CPM: variants seen among roughly 807,000 people sequenced by gnomAD.
The protein encoded by CPM is carboxypeptidase M, also known as renal carboxypeptidase.
A neutral mutation model predicts 46.4 loss-of-function variants in CPM; 35 were observed. The observed-to-expected ratio is 0.75, with a 90% CI of 0.58 to 1.00. The LOEUF (loss-of-function observed/expected upper bound fraction) is 1.00, where lower values mean the gene tolerates loss of function less well. CPM is among the 50% of genes least tolerant of loss of function. The pLI is 0.00. For synonymous variants in CPM, 195 were observed against 195.3 expected (o/e 1.00, Z 0.01); for missense variants, 422 against 530.4 (o/e 0.80, Z 2.01).
chr12:68,856,868 G>A (rs560135284), intron 8 of CPM, among the ~76,000 whole-genome samples, 189 bp from the exon 9 acceptor site: 2 of 152,340 alleles, frequency 1.3e-5, no homozygotes, highest in East Asian at 3.9e-4. Context: ...ACAGAGACCA[G>A]CGTTGTGAAT....
At chr12:68,888,190 T>C (rs1221973234) in intron 2 of CPM, among the ~76,000 whole-genome samples, 1 of 152,240 alleles carries the variant, frequency 6.6e-6, no homozygotes, top group Non-Finnish European at 1.5e-5. Flanking sequence ...TATTTATCAA[T>C]AGTTATTTAT....
intron 1 of CPM, among the ~76,000 whole-genome samples, chr12:68,954,831 A>T (rs1258175140): frequency 1.3e-5 from 2 of 152,236 alleles, no homozygotes; most frequent in African/African-American, 4.8e-5. Context: ...ATTTTCAAAC[A>T]GTAATACCAC....
intron 2 of CPM, among the ~76,000 whole-genome samples, chr12:68,931,763 A>AAAAAAAAAAAAAAAAAAAAAAAAG (rs1482981614): frequency 2.3e-5 from 3 of 132,506 alleles, no homozygotes; most frequent in Non-Finnish European, 3.1e-5. Flanking sequence ...AAAAAAAAAA[A>AAAAAAAAAAAAAAAAAAAAAAAAG]AAAGAAAGAA....
At chr12:68,889,364 T>C (rs956376887) in intron 2 of CPM, among the ~76,000 whole-genome samples, 1 of 152,190 alleles carries the variant, frequency 6.6e-6, no homozygotes, top group African/African-American at 2.4e-5. Context: ...TGTCCAATGA[T>C]AAGGAATTTT....
At chr12:68,868,828 T>C (rs766299767) in intron 6 of CPM, among the ~76,000 whole-genome samples, 10 of 152,168 alleles carry the variant, frequency 6.6e-5, no homozygotes, top group South Asian at 2.1e-4. Flanking sequence ...TCCCCAAGGC[T>C]GCATGACAAT....
rs749617350 is a variant in CPM at position 68,871,896 on chromosome 12, C to T, written c.319G>A (p.Asp107Asn). ...TTGATCAGATTTGTGATTTCAGGGT[C>T]TTTGCCATCACTGGTTACGAGATAG... ...IDYLVTSDGK[D>N]PEITNLINST... The change falls in exon 4 of 9, where the codon GAC becomes AAC. Residue 107 changes from aspartate to asparagine, a missense_variant. By Grantham distance (23) the Asp-to-Asn change is conservative. Coordinates refer to ENST00000551568, the MANE Select transcript of CPM (RefSeq NM_198320.5). 6.2e-7 allele frequency: 1 copy of T among 1,614,128 alleles called. No homozygotes were observed. The highest frequency in any genetic ancestry group is 1.3e-5 in the African/African-American group (1 of 75,026).
rs1218619360 is a variant in CPM at position 68,854,726 on chromosome 12, G to A, written c.*1711C>T. ...CTTCCCCAGTGCTGTGTGGACGATG[G>A]ACTGAAGAGGAGAAGGCTGGGAGCA... On this transcript the variant is annotated 3_prime_UTR_variant, in exon 9 of 9. Coordinates refer to ENST00000551568, the MANE Select transcript of CPM (RefSeq NM_198320.5). The A allele has an allele frequency of 6.6e-6, 1 of 152,442 alleles. No homozygotes were observed. The highest frequency in any genetic ancestry group is 1.5e-5 in the Non-Finnish European group (1 of 68,246). 9.4% of individuals were successfully genotyped at this position (152,442 alleles called of 1,614,324 possible).
In CPM at chr12:68,855,743, GT is replaced by G. The variant is rs57330829; in HGVS notation, c.*693del. ...GTGTTTTTTTTGTTTGTTTGTTTTT[GT>G]TTTTTTTTTTTTGAGACAGAGTCTT... On this transcript the variant is annotated 3_prime_UTR_variant, in exon 9 of 9. Transcript: ENST00000551568. 450 of 140,458 alleles carry G rather than the reference GT, an allele frequency of 3.2e-3. 2 individuals carry two copies. Among genetic ancestry groups the G allele is most frequent in the African/African-American group, 9.8e-3 (381 of 38,742 alleles). The allele number at this position is 140,458 out of a possible 1,614,324, so 8.7% of individuals were successfully genotyped here. A position where few individuals can be genotyped will look rare whatever the true frequency, so the allele number is the denominator to read the frequency against.
chr12:68,927,731 A>G (rs886278203), intron 2 of CPM, among the ~76,000 whole-genome samples: 2 of 152,214 alleles, frequency 1.3e-5, no homozygotes, highest in South Asian at 2.1e-4. Flanking sequence ...AGTAACAGAC[A>G]AACAGAGAGC....
intron 3 of CPM, among the ~76,000 whole-genome samples, chr12:68,873,225 T>C (rs1885788579): frequency 6.6e-6 from 1 of 152,202 alleles, no homozygotes; most frequent in Non-Finnish European, 1.5e-5. Flanking sequence ...CTCAGAAGAA[T>C]TTCCAGTCAT....
intron 3 of CPM, among the ~76,000 whole-genome samples, chr12:68,872,986 A>C (rs1885777492): frequency 6.6e-6 from 1 of 152,092 alleles, no homozygotes; most frequent in Non-Finnish European, 1.5e-5. Flanking sequence ...GAGAGTCATT[A>C]TTTTTCTTAT....
intron 2 of CPM, among the ~76,000 whole-genome samples, chr12:68,906,384 TCAGTG>T (rs1228677946): frequency 1.3e-5 from 2 of 152,178 alleles, no homozygotes; most frequent in Non-Finnish European, 2.9e-5. Flanking sequence ...AAAAAACTCT[TCAGTG>T]AAATAACAAT....
At chr12:68,934,892 AT>A (rs200813892), upstream of CPM, among the ~76,000 whole-genome samples, 11 of 151,164 alleles carry the variant, frequency 7.3e-5, no homozygotes, top group Middle Eastern at 3.4e-3. Context: ...AAGAGTTGGA[AT>A]TTTTTTTTTA....
At chr12:68,878,758 T>C (rs1268862841) in intron 3 of CPM, among the ~76,000 whole-genome samples, 3 of 152,218 alleles carry the variant, frequency 2.0e-5, no homozygotes, top group Non-Finnish European at 4.4e-5. Flanking sequence ...CTGCTCTATC[T>C]GGACAACAGG....
chr12:68,887,985 A>C (rs1886508481), intron 2 of CPM, among the ~76,000 whole-genome samples: 1 of 152,148 alleles, frequency 6.6e-6, no homozygotes, highest in Admixed American at 6.6e-5. Flanking sequence ...AACCCTGTCA[A>C]TTCTTTGTTG....
intron 1 of CPM, chr12:68,957,459 G>A: frequency 3.7e-6 from 1 of 266,956 alleles, no homozygotes; most frequent in Non-Finnish European, 7.5e-6. Flanking sequence ...GAATGTGCTG[G>A]CAAAAGTTTC....
intron 2 of CPM, among the ~76,000 whole-genome samples, chr12:68,890,307 T>A (rs552440589): frequency 6.6e-6 from 1 of 152,040 alleles, no homozygotes; most frequent in Non-Finnish European, 1.5e-5. Flanking sequence ...AGAGGCTAAA[T>A]GATAGGATGA....
intron 1 of CPM, among the ~76,000 whole-genome samples, chr12:68,960,915 T>C (rs1889100985): frequency 6.6e-6 from 1 of 152,214 alleles, no homozygotes; most frequent in Non-Finnish European, 1.5e-5. Context: ...TTAATCATGA[T>C]GATTACCTAT....
intron 1 of CPM, among the ~76,000 whole-genome samples, chr12:68,939,314 C>G (rs746355956): frequency 6.8e-6 from 1 of 146,552 alleles, no homozygotes; most frequent in Admixed American, 6.8e-5. Flanking sequence ...TGTACACATA[C>G]CTATATACAT....
Sources: allele counts gnomAD v4.1 joint callset (sites outside exome capture counted in the v4.1 genomes callset), GRCh38; gene constraint gnomAD v4.1.1; transcripts MANE v1.5; gene names NCBI Gene and HGNC (gene_info 2026-07-23, HGNC 2026-07-21).